Variants in TASOR observed in about 807,000 individuals in gnomAD.
TASOR encodes protein TASOR.
A neutral mutation model predicts 178.6 loss-of-function variants in TASOR; 53 were observed. The observed-to-expected ratio is 0.30, with a 90% confidence interval of 0.24 to 0.37. TASOR has a LOEUF of 0.37. Among genes scored for constraint, TASOR ranks in the 10% least tolerant of loss-of-function variants. The pLI, the probability that TASOR is intolerant of heterozygous loss-of-function variation, is 1.00. For missense variants in TASOR, 1,815 were observed against 1,971.4 expected, an observed-to-expected ratio of 0.92 and a Z score of 1.50; for synonymous variants, 713 against 696.2, an observed-to-expected ratio of 1.02 and a Z score of -0.38.
intron 1 of TASOR, among the ~76,000 whole-genome samples, chr3:56,676,033 G>T (rs2031266506): frequency 6.6e-6 from 1 of 152,168 alleles, no homozygotes; most frequent in African/African-American, 2.4e-5. Flanking sequence ...ATAAACAGGA[G>T]TAAGCTCAAA....
At position 56,647,142 on chromosome 3, in the gene TASOR, T is replaced by C; in HGVS notation, c.1595A>G (p.Gln532Arg). 1 of 1,603,244 alleles carries C rather than the reference T, an allele frequency of 6.2e-7. No individual in the cohort carries two copies. The highest frequency in any genetic ancestry group is 8.5e-7 in the Non-Finnish European group (1 of 1,177,518). The change falls in exon 14 of 24, where the codon CAA (glutamine) becomes CGA (arginine). Residue 532 changes from glutamine (Q) to arginine (R), a missense_variant. Gln to Arg is a conservative substitution (Grantham distance 43, BLOSUM62 1). This residue lies in a region of TASOR where 504 missense variants were observed against 645.3 expected (regional missense o/e 0.78). Coordinates refer to ENST00000683822, the MANE Select transcript of TASOR (RefSeq NM_001365635.2). ...CTTTCGACACTGAATCAAAGAAAAT[T>C]GTAAAAACTGAGCTATTTTTAATAC... ...PDVLKIAQFL[Q>R]FSLIQCRKEF...
rs992034004 is a variant in TASOR at position 56,622,872 on chromosome 3, T to A, written c.*165A>T. 2.3e-6 allele frequency: 1 copy of A among 437,080 alleles called. No individual in the cohort carries two copies. The highest frequency in any genetic ancestry group is 4.0e-6 in the Non-Finnish European group (1 of 249,192). The allele number at this position is 437,080 out of a possible 1,614,324, so 27.1% of individuals were successfully genotyped here. ...TCAAGTACAATATATGTTAAAAATATATATTTATTTCAATTTTTAGATGCT... is the reference window on the plus strand; with the variant it reads ...TCAAGTACAATATATGTTAAAAATAAATATTTATTTCAATTTTTAGATGCT... On this transcript the variant is annotated 3_prime_UTR_variant, in exon 24 of 24. Transcript: ENST00000683822.
At position 56,620,364 on chromosome 3, in the gene TASOR, T is replaced by A. The variant is rs541184328; in HGVS notation, c.*2673A>T. On this transcript the variant is annotated 3_prime_UTR_variant, in exon 24 of 24. Coordinates refer to ENST00000683822, the MANE Select transcript of TASOR (RefSeq NM_001365635.2). ...GCATAACCTTACTCACCATACTACT[T>A]TTTCTCCCAAACTATTGTGACTTCT... The A allele has an allele frequency of 2.0e-5, 3 of 153,078 alleles. No homozygotes were observed. Among genetic ancestry groups the A allele is most frequent in the African/African-American group, 7.2e-5 (3 of 41,574 alleles). 9.5% of individuals were successfully genotyped at this position (153,078 alleles called of 1,614,324 possible).
At chr3:56,669,144 A>G (rs1049384372) in intron 5 of TASOR, among the ~76,000 whole-genome samples, 3 of 152,130 alleles carry the variant, frequency 2.0e-5, no homozygotes, top group Non-Finnish European at 2.9e-5. Flanking sequence ...TTACCAACAT[A>G]TTACTCTCTA....
chr3:56,681,813 T>C (rs899416618), intron 1 of TASOR, among the ~76,000 whole-genome samples: 2 of 152,206 alleles, frequency 1.3e-5, no homozygotes, highest in African/African-American at 4.8e-5. Context: ...ATTAACAATA[T>C]GGCATTAAGA....
intron 20 of TASOR, 136 bp downstream of exon 20, chr3:56,627,446 G>T: frequency 1.0e-6 from 1 of 975,252 alleles, no homozygotes; most frequent in Non-Finnish European, 1.5e-6. Flanking sequence ...GAAGGAGAAA[G>T]AAATTTGAGG....
chr3:56,658,054 A>G (rs1301906990), intron 11 of TASOR, among the ~76,000 whole-genome samples: 1 of 149,544 alleles, frequency 6.7e-6, no homozygotes, highest in Non-Finnish European at 1.5e-5. Flanking sequence ...CCTTGTGTGC[A>G]TTTCTTGGAC....
At chr3:56,652,445 C>G (rs1374509331) in intron 11 of TASOR, among the ~76,000 whole-genome samples, 1 of 151,022 alleles carries the variant, frequency 6.6e-6, no homozygotes, top group Non-Finnish European at 1.5e-5. Context: ...CCCCAGCTAC[C>G]CAGGAGGATG....
At position 56,621,472 on chromosome 3, in the gene TASOR, A is replaced by C; in HGVS notation, c.*1565T>G. 1 of 1,097,662 alleles carries C rather than the reference A, an allele frequency of 9.1e-7. No homozygotes were observed. Among genetic ancestry groups the C allele is most frequent in the South Asian group, 1.6e-5 (1 of 63,536 alleles). The allele number at this position is 1,097,662 out of a possible 1,614,324, so 68.0% of individuals were successfully genotyped here. ...CAAGTGAATATAATTCTAGTTTAAC[A>C]CAACATTGCAAGTCAGGTGTGCACA... On this transcript the variant is annotated 3_prime_UTR_variant, in exon 24 of 24. Transcript: ENST00000683822.
chr3:56,623,730 C>T, intron 23 of TASOR, 164 bp from the exon 24 acceptor site: 1 of 1,550,676 alleles, frequency 6.4e-7, no homozygotes, highest in South Asian at 1.2e-5. Flanking sequence ...AACACTCACA[C>T]TAGATGTGAA....
chr3:56,655,174 A>G (rs1297364681), intron 11 of TASOR, among the ~76,000 whole-genome samples: 1 of 152,258 alleles, frequency 6.6e-6, no homozygotes, highest in African/African-American at 2.4e-5. Context: ...TGGACTTCCT[A>G]CTTAATGGTA....
chr3:56,628,929 A>AT (rs58944810), intron 18 of TASOR: 1,313 of 122,224 alleles, frequency 0.011, 8 homozygotes, highest in Non-Finnish European at 0.015. Flanking sequence ...TACCAGGCTA[A>AT]TTTTTTTTTT....
intron 13 of TASOR, among the ~76,000 whole-genome samples, chr3:56,648,226 C>T (rs77128691): frequency 0.026 from 4,006 of 152,098 alleles, 96 homozygotes; most frequent in African/African-American, 0.061. Flanking sequence ...GAGACTCTAT[C>T]TCTAAAATAA....
Position 56,682,975 on chromosome 3 carries a change from T to C in TASOR, c.32A>G (p.Gln11Arg). The change falls in exon 1 of 24, where the codon CAG (glutamine) becomes CGG (arginine). Residue 11 changes from glutamine (Q) to arginine (R), a missense_variant. By Grantham distance (43) the Gln-to-Arg change is conservative. This residue lies in a region of TASOR where 244 missense variants were observed against 202.7 expected (regional missense o/e 1.20). Coordinates refer to ENST00000683822, the MANE Select transcript of TASOR (RefSeq NM_001365635.2). ...ACTTTCCCAACTCGCATCCGTCGGC[T>C]GACAGGCCTCCGTCTCCACAGCAGT... MATAVETEAC[Q>R]PTDASWESGG... is the part of the protein sequence containing the mutation. 2 of 1,549,108 alleles carry C rather than the reference T, an allele frequency of 1.3e-6. No individual in the cohort carries two copies. Among genetic ancestry groups the C allele is most frequent in the Non-Finnish European group, 1.7e-6 (2 of 1,146,174 alleles).
At chr3:56,649,094 T>C in intron 11 of TASOR, 37 bp from the exon 12 acceptor site, 1 of 1,484,130 alleles carries the variant, frequency 6.7e-7, no homozygotes, top group South Asian at 1.2e-5. Context: ...TGTATCTGCT[T>C]TATTATTATT....
At position 56,641,629 on chromosome 3, in the gene TASOR, G is replaced by A. The variant is rs375228503; in HGVS notation, c.2339C>T (p.Ala780Val). Residue 780 changes from alanine (A) to valine (V), a missense_variant, in exon 15 of 24, where the codon GCA becomes GTA. This residue lies in a region of TASOR where 655 missense variants were observed against 671.1 expected (regional missense o/e 0.98). Coordinates refer to ENST00000683822, the MANE Select transcript of TASOR (RefSeq NM_001365635.2). ...RLFNWLSETLANARHSDASLT... is the reference protein window; with the variant it reads ...RLFNWLSETLVNARHSDASLT... ...AGATGCATCAGAATGGCGCGCATTT[G>A]CTAGTGTTTCTGATAACCAATTAAA... The A allele has an allele frequency of 3.8e-5, 61 of 1,614,052 alleles. No homozygotes were observed. The highest frequency in any genetic ancestry group is 5.1e-5 in the Non-Finnish European group (60 of 1,180,038).
Position 56,660,786 on chromosome 3 carries a change from G to A in TASOR, c.1313C>T (p.Thr438Ile). 7 of 1,613,662 alleles carry A rather than the reference G, an allele frequency of 4.3e-6. No individual in the cohort carries two copies. Among genetic ancestry groups the A allele is most frequent in the Non-Finnish European group, 5.1e-6 (6 of 1,179,954 alleles). The part of the protein sequence containing the change: ...YCSLYEVVEK[T>I]RIGSNMESLL... ...ACTCTCCATGTTACTTCCAATTCTT[G>A]TCTTTTCCACAACTTCATAAAGGCT... The change falls in exon 11 of 24, where the codon ACA becomes ATA. Residue 438 changes from threonine (T) to isoleucine (I), a missense_variant. By Grantham distance (89) the Thr-to-Ile change is moderately conservative (BLOSUM62 -1). Around this residue, in one of 5 missense-constraint regions of TASOR, gnomAD observed 504 missense variants for 645.3 expected, o/e 0.78. Transcript: ENST00000683822.
chr3:56,682,985 C>T lies in TASOR; in HGVS notation c.22G>A (p.Glu8Lys). MATAVET[E>K]ACQPTDASWE... ...CTCGCATCCGTCGGCTGACAGGCCT[C>T]CGTCTCCACAGCAGTCGCCATCGCG... The change falls in exon 1 of 24, where the codon GAG becomes AAG. Residue 8 changes from glutamate to lysine, a missense_variant. Transcript: ENST00000683822. The T allele has an allele frequency of 6.5e-7, 1 of 1,548,570 alleles. No homozygotes were observed. Among genetic ancestry groups the T allele is most frequent in the African/African-American group, 1.4e-5 (1 of 73,120 alleles).
intron 15 of TASOR, among the ~76,000 whole-genome samples, chr3:56,640,913 G>A (rs1018632105): frequency 1.3e-5 from 2 of 151,974 alleles, no homozygotes; most frequent in Non-Finnish European, 2.9e-5. Flanking sequence ...TCCTATTTGC[G>A]TAAGAAATAC....
Sources: allele counts gnomAD v4.1 joint callset (sites outside exome capture counted in the v4.1 genomes callset), GRCh38; gene constraint gnomAD v4.1.1; regional missense constraint gnomAD v4.1.1; transcripts MANE v1.5; gene names NCBI Gene and HGNC (gene_info 2026-07-23, HGNC 2026-07-21).